The following PCDH11X variants were observed in gnomAD, a reference collection of about 807,000 sequenced individuals.
PCDH11X encodes the protein protocadherin-11 X-linked.
Under a neutral mutation model 53.3 loss-of-function variants are expected in PCDH11X, and 18 were observed. That is an observed-to-expected ratio of 0.34 (90% CI 0.23 to 0.50). The LOEUF is 0.50. Ranked by LOEUF, PCDH11X falls within the 20% of genes least tolerant of loss-of-function variation. The pLI is 0.98. For missense variants in PCDH11X, 570 were observed against 1,032.4 expected (o/e 0.55, Z 6.14); for synonymous variants, 279 against 393.3 (o/e 0.71, Z 3.44).
At chrX:92,603,334 A>G (rs1433043599) in intron 10 of PCDH11X, among the ~76,000 whole-genome samples, 2 of 109,608 alleles carry the variant, frequency 1.8e-5, no homozygotes, top group Admixed American at 9.8e-5. Context: ...TATTTACTTC[A>G]TTGAAGTAAA....
At chrX:92,348,548 A>T (rs767971159) in intron 8 of PCDH11X, among the ~76,000 whole-genome samples, 2 of 94,501 alleles carry the variant, frequency 2.1e-5, no homozygotes, top group Non-Finnish European at 4.2e-5. Context: ...TATTATTATT[A>T]TTTTTGAGAC....
intron 10 of PCDH11X, among the ~76,000 whole-genome samples, chrX:92,513,603 G>T (rs1392077178): frequency 1.9e-5 from 2 of 107,717 alleles, no homozygotes; most frequent in East Asian, 2.9e-4. Context: ...TGAAATGAGG[G>T]TTAAGCTTCT....
intron 7 of PCDH11X, among the ~76,000 whole-genome samples, chrX:92,261,892 CA>C (rs2067723334): frequency 9.0e-6 from 1 of 111,447 alleles, no homozygotes. Context: ...GCTATGCCTT[CA>C]CAGAAAATTA....
In PCDH11X at chrX:92,094,047, G is replaced by A. The variant is rs189379280; in HGVS notation, c.3034-107328G>A. Among the ~76,000 whole-genome samples, 152 of 108,426 alleles carry A rather than the reference G, an allele frequency of 1.4e-3. 1 individual carries two copies. The highest frequency in any genetic ancestry group is 4.8e-3 in the African/African-American group (144 of 29,946). The allele number at this position is 108,426 out of a possible 115,157, so 94.2% of individuals were successfully genotyped here. On this transcript the variant is annotated intron_variant, in intron 6 of 10. Coordinates refer to ENST00000682573, the MANE Select transcript of PCDH11X (RefSeq NM_032968.5). ...TTTTCATTAAACACAAATTATATAC[G>A]AATTTTTTATTCATAAAGCTTCATT...
rs752425370 is a variant in PCDH11X, at chrX:91,910,041, C to T, written c.3033+30768C>T. Among the ~76,000 whole-genome samples, 212 of 111,416 alleles carry T rather than the reference C, an allele frequency of 1.9e-3. 2 individuals carry two copies. The highest frequency in any genetic ancestry group is 4.6e-3 in the Middle Eastern group (1 of 217). On this transcript the variant is annotated intron_variant, in intron 6 of 10. Transcript: ENST00000682573. ...TAGATTCCCTGTTTTGTGACACCTG[C>T]TTTAGGCTTGCTGAGGGTCATTGTC...
At chrX:91,857,819 G>A (rs1938437330) in intron 5 of PCDH11X, among the ~76,000 whole-genome samples, 1 of 111,863 alleles carries the variant, frequency 8.9e-6, no homozygotes, top group Admixed American at 9.4e-5. Flanking sequence ...GATTTCATAG[G>A]CTGGCATTGA....
chrX:91,884,364 T>A (rs1354101175), intron 6 of PCDH11X, among the ~76,000 whole-genome samples: 1 of 110,857 alleles, frequency 9.0e-6, no homozygotes, highest in African/African-American at 3.3e-5. Flanking sequence ...TTTCTTATAT[T>A]ACGAAACATA....
intron 6 of PCDH11X, among the ~76,000 whole-genome samples, chrX:92,178,395 T>G (rs2148287625): frequency 8.9e-6 from 1 of 111,907 alleles, no homozygotes. Context: ...AATCAAACAT[T>G]AAATTTATTT....
At chrX:92,079,098 C>T (rs2063816955) in intron 6 of PCDH11X, among the ~76,000 whole-genome samples, 1 of 110,814 alleles carries the variant, frequency 9.0e-6, no homozygotes, top group African/African-American at 3.3e-5. Context: ...TAAAACAACA[C>T]AAATTTACAG....
chrX:92,504,645 TC>T (rs1166883303), intron 10 of PCDH11X, among the ~76,000 whole-genome samples: 1 of 111,691 alleles, frequency 9.0e-6, no homozygotes, highest in Non-Finnish European at 1.9e-5. Context: ...GGATTTATAT[TC>T]CTTTGTGTAT....
chrX:92,306,656 T>C (rs35492232), intron 8 of PCDH11X, among the ~76,000 whole-genome samples: 2 of 108,075 alleles, frequency 1.9e-5, no homozygotes, highest in Non-Finnish European at 3.8e-5. Context: ...AAAAAACAAC[T>C]CTTGACCAGG....
At chrX:92,155,881 G>A (rs1466979909) in intron 6 of PCDH11X, among the ~76,000 whole-genome samples, 1 of 107,744 alleles carries the variant, frequency 9.3e-6, no homozygotes. Flanking sequence ...GCTTGCCTCG[G>A]CTTCCCAAAG....
rs771570215 is a variant in PCDH11X at position 92,332,258 on chromosome X, A to G, written c.3145-55477A>G. 9.8e-5 allele frequency among the ~76,000 whole-genome samples: 11 copies of G among 112,569 alleles called. No homozygotes were observed. The South Asian group carries it at 4.0e-3, about 40-fold the overall frequency. ...TAAGAAAGCAAGTAAATACCTTTCT[A>G]ATGACCATTGCATTACTTTTGACAA... On this transcript the variant is annotated intron_variant, in intron 8 of 10. Transcript: ENST00000682573.
chrX:92,271,012 T>C (rs780508344), intron 8 of PCDH11X, among the ~76,000 whole-genome samples: 4 of 111,689 alleles, frequency 3.6e-5, no homozygotes, highest in South Asian at 3.8e-4. Flanking sequence ...CGCGATTCTC[T>C]GAAGCAAAGA....
chrX:92,239,931 G>A (rs919446705), intron 7 of PCDH11X, among the ~76,000 whole-genome samples: 29 of 111,823 alleles, frequency 2.6e-4, no homozygotes, highest in African/African-American at 9.4e-4. Context: ...CATTTAATTA[G>A]GAGAATGTTC....
chrX:92,583,994 A>G (rs1343584269), intron 10 of PCDH11X, among the ~76,000 whole-genome samples: 1 of 110,041 alleles, frequency 9.1e-6, no homozygotes, highest in Non-Finnish European at 1.9e-5. Flanking sequence ...TCTTGGAAAA[A>G]TCACAATATT....
At chrX:92,232,727 T>C (rs960319550) in intron 7 of PCDH11X, among the ~76,000 whole-genome samples, 5 of 112,415 alleles carry the variant, frequency 4.4e-5, no homozygotes, top group Non-Finnish European at 9.4e-5. Context: ...TTTTAAATTA[T>C]TATTATTGAG....
intron 9 of PCDH11X, among the ~76,000 whole-genome samples, chrX:92,437,162 T>C (rs2072401607): frequency 9.1e-6 from 1 of 110,244 alleles, no homozygotes; most frequent in South Asian, 3.8e-4. Context: ...AAAATGAAAA[T>C]ATGAAGTGGC....
At chrX:91,891,932 TA>T (rs1387963565) in intron 6 of PCDH11X, among the ~76,000 whole-genome samples, 99 of 83,424 alleles carry the variant, frequency 1.2e-3, no homozygotes, top group African/African-American at 2.4e-3. Flanking sequence ...TATCAGGGTT[TA>T]AAAAAAAAAA....
Sources: gnomAD v4.1 joint callset for allele counts (sites outside exome capture counted in the v4.1 genomes callset) on GRCh38, gnomAD v4.1.1 for gene constraint, MANE v1.5 for transcripts, NCBI Gene and HGNC (gene_info 2026-07-23, HGNC 2026-07-21) for gene names.